The following FSD1L variants were observed in gnomAD, a reference collection of about 807,000 sequenced individuals.
FSD1L encodes the protein FSD1-like protein.
Under a neutral mutation model 71.6 loss-of-function variants are expected in FSD1L, and 45 were observed. The observed-to-expected ratio is 0.63, with a 90% CI of 0.49 to 0.81. The LOEUF (loss-of-function observed/expected upper bound fraction) is 0.81. Ranked by LOEUF, FSD1L falls within the 30% of genes least tolerant of loss-of-function variation. FSD1L has a pLI of 0.00. For synonymous variants in FSD1L, 197 were observed against 207.2 expected (o/e 0.95, Z 0.42); for missense variants, 561 against 618.1 (o/e 0.91, Z 0.98).
chr9:105,526,084 A>G (rs1835489714), intron 10 of FSD1L: 4 of 1,525,676 alleles, frequency 2.6e-6, no homozygotes, highest in Admixed American at 1.7e-5. Flanking sequence ...TATTCAGATA[A>G]TGAGAAAACC....
At chr9:105,479,646 T>A (rs551228893) in intron 6 of FSD1L, among the ~76,000 whole-genome samples, 1 of 152,354 alleles carries the variant, frequency 6.6e-6, no homozygotes, top group African/African-American at 2.4e-5. Flanking sequence ...CAGTTCTTAA[T>A]TAGTTGTACT....
chr9:105,515,235 C>T (rs1318809331), intron 10 of FSD1L, among the ~76,000 whole-genome samples: 3 of 152,130 alleles, frequency 2.0e-5, no homozygotes, highest in East Asian at 1.9e-4. Flanking sequence ...AGGGCACATG[C>T]GCGTCACTAG....
intron 10 of FSD1L, chr9:105,524,368 T>G (rs1272841175): frequency 3.1e-6 from 5 of 1,613,628 alleles, no homozygotes; most frequent in Non-Finnish European, 4.2e-6. Context: ...ATCACCCATC[T>G]TTTACCAAGT....
intron 7 of FSD1L, among the ~76,000 whole-genome samples, chr9:105,501,996 T>C (rs1012182490): frequency 6.6e-6 from 1 of 152,174 alleles, no homozygotes; most frequent in Non-Finnish European, 1.5e-5. Flanking sequence ...TTTTTTTCTT[T>C]TTATCATTAT....
At chr9:105,448,290 TGG>T in intron 1 of FSD1L, 55 bp downstream of exon 1, 1 of 548,492 alleles carries the variant, frequency 1.8e-6, no homozygotes, top group Non-Finnish European at 2.8e-6. Context: ...CGGCACAGGG[TGG>T]GCGGGGCGCC....
chr9:105,481,561 G>A (rs1832207402), intron 6 of FSD1L, among the ~76,000 whole-genome samples: 1 of 151,946 alleles, frequency 6.6e-6, no homozygotes, highest in Non-Finnish European at 1.5e-5. Context: ...AAAGTGCTGG[G>A]ATTACAGGTG....
At chr9:105,468,609 C>T (rs1458158514) in intron 4 of FSD1L, among the ~76,000 whole-genome samples, 4 of 151,884 alleles carry the variant, frequency 2.6e-5, no homozygotes, top group Admixed American at 2.6e-4. Flanking sequence ...ATTCTCCTGC[C>T]TCAGCCTCCC....
At chr9:105,517,119 T>A (rs1834776582) in intron 10 of FSD1L, among the ~76,000 whole-genome samples, 1 of 151,656 alleles carries the variant, frequency 6.6e-6, no homozygotes, top group Non-Finnish European at 1.5e-5. Context: ...GAAGACAAGA[T>A]TAGAGAAAAA....
intron 7 of FSD1L, among the ~76,000 whole-genome samples, chr9:105,492,215 G>T (rs936457880): frequency 6.6e-6 from 1 of 152,052 alleles, no homozygotes; most frequent in Admixed American, 6.6e-5. Context: ...CTTCTTCCTG[G>T]TTTAGTCTTG....
chr9:105,528,326 A>G lies in FSD1L; in HGVS notation c.1026-6167A>G, dbSNP rs150497772. Among the ~76,000 whole-genome samples, 1,263 of 152,158 alleles carry G rather than the reference A, an allele frequency of 8.3e-3. 20 individuals carry two copies. The highest frequency in any genetic ancestry group is 0.029 in the African/African-American group (1,207 of 41,548). On this transcript the variant is annotated intron_variant, in intron 10 of 13. Coordinates refer to ENST00000481272, the MANE Select transcript of FSD1L (RefSeq NM_001145313.3). ...ATATGGAACCGCCCGCATAGAGAAG[A>G]CAATCTTAAGCAAAAAGAACAAAGC...
upstream of FSD1L, among the ~76,000 whole-genome samples, chr9:105,447,380 T>A (rs551090822): frequency 4.8e-4 from 73 of 151,034 alleles, 1 homozygote; most frequent in African/African-American, 1.8e-3. Flanking sequence ...CACTACTAAT[T>A]ATGTACCATA....
Position 105,484,447 on chromosome 9 carries a change from A to G in FSD1L, c.531A>G (p.Leu177=). 1 of 1,532,130 alleles carries G rather than the reference A, an allele frequency of 6.5e-7. No homozygotes were observed. Among genetic ancestry groups the G allele is most frequent in the East Asian group, 2.5e-5 (1 of 39,654 alleles). The allele number at this position is 1,532,130 out of a possible 1,614,324, so 94.9% of individuals were successfully genotyped here. The part of the protein sequence containing the change: ...KPKVSDNMTH[L]MVDFSQERQM... ...AGGTCAGTGACAACATGACTCATTT[A>G]ATGGTGGATTTCTCACAGGAAAGAC... The change falls in exon 7 of 14, where the codon TTA becomes TTG. Residue 177 remains leucine, a synonymous_variant. Coordinates refer to ENST00000481272, the MANE Select transcript of FSD1L (RefSeq NM_001145313.3).
At chr9:105,470,665 C>T (rs1440031029) in intron 4 of FSD1L, among the ~76,000 whole-genome samples, 2 of 152,174 alleles carry the variant, frequency 1.3e-5, no homozygotes, top group Admixed American at 1.3e-4. Flanking sequence ...CTTACATACA[C>T]ACCATAAAAG....
intron 10 of FSD1L, among the ~76,000 whole-genome samples, chr9:105,515,614 A>G (rs541657874): frequency 1.1e-4 from 17 of 152,090 alleles, no homozygotes; most frequent in African/African-American, 2.2e-4. Context: ...AAGGGAAGCC[A>G]TGAGGGACAG....
chr9:105,528,504 A>T (rs1415333888), intron 10 of FSD1L, among the ~76,000 whole-genome samples: 2 of 152,204 alleles, frequency 1.3e-5, no homozygotes, highest in Non-Finnish European at 2.9e-5. Context: ...CTCATCTTTG[A>T]CAAACCTGAC....
intron 13 of FSD1L, among the ~76,000 whole-genome samples, chr9:105,540,720 T>C (rs1411373586): frequency 6.6e-6 from 1 of 152,174 alleles, no homozygotes; most frequent in African/African-American, 2.4e-5. Flanking sequence ...CTTTGTGTGC[T>C]ATGCTGAATA....
At chr9:105,517,090 A>G (rs1480712683) in intron 10 of FSD1L, among the ~76,000 whole-genome samples, 1 of 152,226 alleles carries the variant, frequency 6.6e-6, no homozygotes, top group East Asian at 1.9e-4. Flanking sequence ...TTGAAGATCA[A>G]CTTAATGAAA....
rs572568085 is a variant in FSD1L, at chr9:105,524,315, G to T, written c.1026-10178G>T. 3.8e-4 allele frequency: 606 copies of T among 1,613,416 alleles called. 2 individuals carry two copies. The highest frequency in any genetic ancestry group is 2.0e-3 in the Middle Eastern group (11 of 5,480). ...ATGTACCTAGACTTCAGATTTACCA[G>T]CCTGATTCTCCCTTGAAAATTATTC... is the stretch of plus-strand genomic sequence containing the variant. On this transcript the variant is annotated intron_variant, in intron 10 of 13. Transcript: ENST00000481272.
chr9:105,488,079 C>G (rs990928650), intron 7 of FSD1L, among the ~76,000 whole-genome samples: 1 of 152,094 alleles, frequency 6.6e-6, no homozygotes. Flanking sequence ...TGGTATTGTA[C>G]ATTTTATGGG....
Sources: gnomAD v4.1 joint callset for allele counts (sites outside exome capture counted in the v4.1 genomes callset) on GRCh38, gnomAD v4.1.1 for gene constraint, MANE v1.5 for transcripts, NCBI Gene and HGNC (gene_info 2026-07-23, HGNC 2026-07-21) for gene names.